ERCC2: variants seen among roughly 807,000 people sequenced by gnomAD.
ERCC2 encodes the protein ERCC excision repair 2, TFIIH core complex helicase subunit, also known as general transcription and DNA repair factor IIH helicase subunit XPD.
A neutral mutation model predicts 99.4 loss-of-function variants in ERCC2; 90 were observed. That is an observed-to-expected ratio of 0.91 (90% confidence interval 0.76 to 1.08). The LOEUF (loss-of-function observed/expected upper bound fraction) is 1.08, where lower values mean the gene tolerates loss of function less well. Ranked by LOEUF, ERCC2 falls within the 50% of genes least tolerant of loss-of-function variation. The pLI is 0.00. For missense variants in ERCC2, 993 were observed against 1,038.1 expected (o/e 0.96, Z 0.60); for synonymous variants, 497 against 432.4 (o/e 1.15, Z -1.85).
chr19:45,354,152 C>G (rs942628964), intron 17 of ERCC2, among the ~76,000 whole-genome samples: 2 of 152,218 alleles, frequency 1.3e-5, no homozygotes, highest in African/African-American at 2.4e-5. Flanking sequence ...CCTGAGAGCC[C>G]GGCCATGGTG....
intron 1 of ERCC2, 92 bp from the exon 2 acceptor site, chr19:45,370,324 G>T: frequency 6.4e-7 from 1 of 1,555,964 alleles, no homozygotes; most frequent in Non-Finnish European, 8.7e-7. Context: ...GAAGGGTGAC[G>T]GGCCCGGCGC....
chr19:45,363,704 C>G (rs1461070118), intron 11 of ERCC2, 39 bp downstream of exon 11: 2 of 1,518,426 alleles, frequency 1.3e-6, no homozygotes, highest in Non-Finnish European at 1.8e-6. Flanking sequence ...TAACCGGGAC[C>G]TGCCGGGCCC....
At position 45,364,497 on chromosome 19, in the gene ERCC2, G is replaced by C; in HGVS notation, c.645C>G (p.Pro215=). The change falls in exon 8 of 23, where the codon CCC becomes CCG. Residue 215 remains proline, a synonymous_variant. Coordinates refer to ENST00000391945, the MANE Select transcript of ERCC2 (RefSeq NM_000400.4). The part of the protein sequence containing the change: ...VVYSYHYLLD[P]KIADLVSKEL... ...CCTTGGACACCAGGTCTGCAATCTT[G>C]GGGTCCAGGAGGTAGTGGTAGCTAT... 1 of 1,613,974 alleles carries C rather than the reference G, an allele frequency of 6.2e-7. No homozygotes were observed.
At chr19:45,365,238 G>C in intron 5 of ERCC2, 80 bp from the exon 6 acceptor site, 1 of 1,074,296 alleles carries the variant, frequency 9.3e-7, no homozygotes, top group Middle Eastern at 2.1e-4. Context: ...ACACCTCCCA[G>C]CTGGCTGGGG....
chr19:45,355,761 C>T, intron 15 of ERCC2, 33 bp from the exon 16 acceptor site: 1 of 1,589,820 alleles, frequency 6.3e-7, no homozygotes, highest in Non-Finnish European at 8.6e-7. Context: ...ATAAGCGAGG[C>T]AGCAGCAACT....
At chr19:45,351,817 G>T (rs1971798180) in intron 22 of ERCC2, 96 bp from the exon 23 acceptor site, 1 of 1,056,606 alleles carries the variant, frequency 9.5e-7, no homozygotes, top group Non-Finnish European at 1.4e-6. Context: ...ATGGCCAGTA[G>T]GGACAGGATG....
chr19:45,356,443 G>A (rs989828532), intron 15 of ERCC2, among the ~76,000 whole-genome samples: 1 of 152,172 alleles, frequency 6.6e-6, no homozygotes, highest in African/African-American at 2.4e-5. Context: ...CGGGGGAGCT[G>A]CCCAGACCCC....
intron 5 of ERCC2, among the ~76,000 whole-genome samples, chr19:45,368,413 C>G (rs2123311799): frequency 6.6e-6 from 1 of 152,246 alleles, no homozygotes; most frequent in South Asian, 2.1e-4. Flanking sequence ...GCCTTTTTAA[C>G]CTCTCCTAGG....
chr19:45,352,126 T>TGGGGGGG, intron 22 of ERCC2, 83 bp downstream of exon 22: 3 of 1,451,060 alleles, frequency 2.1e-6, no homozygotes, highest in East Asian at 4.7e-5. Context: ...AGGCTGAGGG[T>TGGGGGGG]GGGGAGTGGG....
intron 5 of ERCC2, among the ~76,000 whole-genome samples, chr19:45,367,017 A>G (rs1016418135): frequency 1.3e-5 from 2 of 152,112 alleles, no homozygotes; most frequent in African/African-American, 4.8e-5. Context: ...CCTGGGCAAC[A>G]AGAGTGAAAC....
At chr19:45,358,694 AG>A in intron 12 of ERCC2, 1 of 665,758 alleles carries the variant, frequency 1.5e-6, no homozygotes, top group Non-Finnish European at 2.8e-6. Flanking sequence ...CTCAAAAGTC[AG>A]CCCCTCCGAG....
rs772055555 is a variant in ERCC2, at chr19:45,352,260, A to G, written c.2139T>C (p.Gly713=). 1 of 1,613,850 alleles carries G rather than the reference A, an allele frequency of 6.2e-7. No homozygotes were observed. Among genetic ancestry groups the G allele is most frequent in the Non-Finnish European group, 8.5e-7 (1 of 1,179,970 alleles). The change falls in exon 22 of 23, where the codon GGT becomes GGC. Residue 713 remains glycine, a synonymous_variant. Coordinates refer to ENST00000391945, the MANE Select transcript of ERCC2 (RefSeq NM_000400.4). ...DANLNLTVDE[G]VQVAKYFLRQ... ...GCAGGAAGTACTTGGCCACCTGGAC[A>G]CCCTCGTCCACGGTCAGGTTGAGGT...
intron 1 of ERCC2, 24 bp downstream of exon 1, chr19:45,370,512 C>T (rs746583562): frequency 1.3e-6 from 2 of 1,580,232 alleles, no homozygotes; most frequent in Non-Finnish European, 8.6e-7. Flanking sequence ...CGCTAGCGAG[C>T]GCGACCCCCA....
At chr19:45,357,818 G>T in intron 12 of ERCC2, 119 bp from the exon 13 acceptor site, 2 of 898,692 alleles carry the variant, frequency 2.2e-6, no homozygotes, top group Admixed American at 2.0e-5. Flanking sequence ...TACTGCCTGG[G>T]AGTAAATGCG....
Position 45,351,408 on chromosome 19 carries a change from ATGGGCTGG to A in ERCC2, c.*213_*220del, listed in dbSNP as rs763251971. 1.9e-6 allele frequency: 3 copies of A among 1,599,746 alleles called. No individual in the cohort carries two copies. Among genetic ancestry groups the A allele is most frequent in the Non-Finnish European group, 2.6e-6 (3 of 1,176,372 alleles). On this transcript the variant is annotated 3_prime_UTR_variant, in exon 23 of 23. Coordinates refer to ENST00000391945, the MANE Select transcript of ERCC2 (RefSeq NM_000400.4). ...GCTTCTTGGGAACAGTGCAGGAGGG[ATGGGCTGG>A]TGGGGTGAGAGGGGGTCTATCATCT...
At chr19:45,364,393 G>C (rs1215867947) in intron 8 of ERCC2, 31 bp downstream of exon 8, 2 of 1,613,752 alleles carry the variant, frequency 1.2e-6, no homozygotes, top group African/African-American at 1.3e-5. Flanking sequence ...AGAGGGGCTG[G>C]CATCCCTTTG....
intron 7 of ERCC2, 98 bp downstream of exon 7, chr19:45,364,740 C>T (rs1375007944): frequency 4.7e-6 from 6 of 1,267,416 alleles, no homozygotes; most frequent in African/African-American, 4.4e-5. Flanking sequence ...GACAGGCAGA[C>T]TCACAGCAAG....
In ERCC2 at chr19:45,361,647, C is replaced by A. The variant is rs369538318; in HGVS notation, c.1119-5G>T. On this transcript the variant is annotated splice_polypyrimidine_tract_variant and splice_region_variant and intron_variant, in intron 11 of 22. Transcript: ENST00000391945. ...CGGAGGCGTTCAGCACAGAATCTGG[C>A]GGGGAGGAGAGACGGGGTCGGGGGG... 4.4e-6 allele frequency: 7 copies of A among 1,607,890 alleles called. No homozygotes were observed. The highest frequency in any genetic ancestry group is 6.0e-6 in the Non-Finnish European group (7 of 1,174,636).
rs199673247 is a variant in ERCC2 at position 45,369,165 on chromosome 19, G to A, written c.106-18C>T. ...CCATGACCCTGCATGTTGGGGACCAGAGGGGCAACACACAGGGTCTCAGAA... is the reference window on the plus strand; with the variant it reads ...CCATGACCCTGCATGTTGGGGACCAAAGGGGCAACACACAGGGTCTCAGAA... On this transcript the variant is annotated intron_variant, in intron 2 of 22. Coordinates refer to ENST00000391945, the MANE Select transcript of ERCC2 (RefSeq NM_000400.4). 6.2e-7 allele frequency: 1 copy of A among 1,609,572 alleles called. No individual in the cohort carries two copies.
Sources: gnomAD v4.1 joint callset for allele counts (sites outside exome capture counted in the v4.1 genomes callset) on GRCh38, gnomAD v4.1.1 for gene constraint, MANE v1.5 for transcripts, NCBI Gene and HGNC (gene_info 2026-07-23, HGNC 2026-07-21) for gene names.